PRAP1: variants seen among roughly 807,000 people sequenced by gnomAD.
PRAP1 encodes proline-rich acidic protein 1.
A neutral mutation model predicts 14.6 loss-of-function variants in PRAP1; 12 were observed. That is an observed-to-expected ratio of 0.82 (90% CI 0.53 to 1.33). The LOEUF (loss-of-function observed/expected upper bound fraction) is 1.33. Among genes scored for constraint, PRAP1 ranks in the 40% most tolerant of loss-of-function variants. PRAP1 has a pLI of 0.00. For synonymous variants in PRAP1, 81 were observed against 80.3 expected, an observed-to-expected ratio of 1.01 and a Z score of -0.04; for missense variants, 160 against 193.7, an observed-to-expected ratio of 0.83 and a Z score of 1.03.
Position 133,352,446 on chromosome 10 carries a change from C to G in PRAP1, c.*6C>G, listed in dbSNP as rs1848697554. ...ACATCTACCACCCCCAGTAGGGCTC[C>G]AGGGGCCATCACTGCCCCCGCCCTG... On this transcript the variant is annotated 3_prime_UTR_variant, in exon 5 of 5. Coordinates refer to ENST00000433452, the MANE Select transcript of PRAP1 (RefSeq NM_145202.5). 6.2e-7 allele frequency: 1 copy of G among 1,610,842 alleles called. No individual in the cohort carries two copies. The highest frequency in any genetic ancestry group is 1.3e-5 in the African/African-American group (1 of 74,916).
rs142462504 is a variant in PRAP1 at position 133,352,037 on chromosome 10, G to A, written c.159G>A (p.Pro53=). Residue 53 remains proline (P), a synonymous_variant, in exon 4 of 5, where the codon CCG becomes CCA. Transcript: ENST00000433452. ...KAWGARVVEP[P]EKDDQLVVLF... is the part of the protein sequence containing the mutation. Reference sequence around the variant, plus strand: ...GGGGCGCCCGTGTGGTGGAGCCTCCGGAGAAGGACGACCAGCTGGTGGTGC... The same window carrying A: ...GGGGCGCCCGTGTGGTGGAGCCTCCAGAGAAGGACGACCAGCTGGTGGTGC... The A allele has an allele frequency of 6.9e-5, 112 of 1,612,926 alleles. No homozygotes were observed. The highest frequency in any genetic ancestry group is 4.9e-4 in the Middle Eastern group (3 of 6,062).
intron 2 of PRAP1, chr10:133,350,802 C>T (rs1848663458): frequency 6.4e-6 from 1 of 155,434 alleles, no homozygotes; most frequent in Non-Finnish European, 1.4e-5. Flanking sequence ...GCACAGCCCC[C>T]CCACGGTGCT....
intron 1 of PRAP1, among the ~76,000 whole-genome samples, chr10:133,349,270 C>T (rs1044655387): frequency 2.0e-5 from 3 of 151,458 alleles, no homozygotes; most frequent in Admixed American, 1.3e-4. Context: ...CCACACACTC[C>T]ACACCACACA....
At chr10:133,350,004 C>T (rs1311799538) in intron 1 of PRAP1, 91 bp from the exon 2 acceptor site, 1 of 1,148,846 alleles carries the variant, frequency 8.7e-7, no homozygotes, top group Non-Finnish European at 1.2e-6. Flanking sequence ...GGAACCCAGC[C>T]CAGGCCTCCC....
rs750638121 is a variant in PRAP1, at chr10:133,351,723, C to T, written c.129-284C>T. On this transcript the variant is annotated intron_variant, in intron 3 of 4. Transcript: ENST00000433452. The surrounding 1 kb of genome is among the most constrained non-coding windows in gnomAD (Gnocchi z 4.3). ...CCACGGCTGGTGGCTGTAGCTGGGG[C>T]GGCTCAGTCTTGGATCCTGAGGTTC... Among the ~76,000 whole-genome samples, 2 of 152,192 alleles carry T rather than the reference C, an allele frequency of 1.3e-5. No individual in the cohort carries two copies. Among genetic ancestry groups the T allele is most frequent in the Non-Finnish European group, 2.9e-5 (2 of 68,036 alleles).
Position 133,351,327 on chromosome 10 carries a change from T to G in PRAP1, c.76-54T>G. 2 of 1,484,228 alleles carry G rather than the reference T, an allele frequency of 1.3e-6. No individual in the cohort carries two copies. The highest frequency in any genetic ancestry group is 1.9e-6 in the Non-Finnish European group (2 of 1,078,316). 91.9% of individuals were successfully genotyped at this position (1,484,228 alleles called of 1,614,324 possible). On this transcript the variant is annotated intron_variant, in intron 2 of 4. Coordinates refer to ENST00000433452, the MANE Select transcript of PRAP1 (RefSeq NM_145202.5). The surrounding 1 kb of genome is among the most constrained non-coding windows in gnomAD (Gnocchi z 4.3). ...GGCCTCGGAGCAACCTCTCCCCAGG[T>G]GTCCTCCACCCGCGTGGACTGTGGC... is the stretch of plus-strand genomic sequence containing the variant.
rs758830915 is a variant in PRAP1 at position 133,352,213 on chromosome 10, A to G, written c.263-34A>G. On this transcript the variant is annotated intron_variant, in intron 4 of 4. Coordinates refer to ENST00000433452, the MANE Select transcript of PRAP1 (RefSeq NM_145202.5). ...GACAGACCAAGGGTCTCGGGAAAGA[A>G]ACTGAGACTATACCTTCATGTGCTT... 5 of 1,610,908 alleles carry G rather than the reference A, an allele frequency of 3.1e-6. No homozygotes were observed. The African/African-American group carries it at 6.7e-5, about 22-fold the overall frequency.
chr10:133,352,212 A>C (rs1564795120), intron 4 of PRAP1, 35 bp from the exon 5 acceptor site: 1 of 1,610,908 alleles, frequency 6.2e-7, no homozygotes, highest in Admixed American at 1.7e-5. Flanking sequence ...CTCGGGAAAG[A>C]AACTGAGACT....
chr10:133,350,545 C>T (rs1421775001), intron 2 of PRAP1: 1 of 205,996 alleles, frequency 4.9e-6, no homozygotes, highest in African/African-American at 2.3e-5. Flanking sequence ...ACCCATGTGA[C>T]CCAGGTGGAG....
chr10:133,351,947 G>A lies in PRAP1; in HGVS notation c.129-60G>A, dbSNP rs1192935812. On this transcript the variant is annotated intron_variant, in intron 3 of 4. Transcript: ENST00000433452. The surrounding 1 kb of genome is among the most constrained non-coding windows in gnomAD (Gnocchi z 4.3). ...GCCCTGGGATGGTGGGCACCCTCCT[G>A]CGGGGGGTTCTGTCCACCTCCCCCA... 9.5e-6 allele frequency: 15 copies of A among 1,581,912 alleles called. No homozygotes were observed. Among genetic ancestry groups the A allele is most frequent in the Non-Finnish European group, 1.3e-5 (15 of 1,167,550 alleles).
chr10:133,350,988 CG>C (rs1848668250), intron 2 of PRAP1, among the ~76,000 whole-genome samples: 1 of 151,816 alleles, frequency 6.6e-6, no homozygotes, highest in African/African-American at 2.4e-5. Context: ...CGCGTTCTCT[CG>C]GCACCAGCCA....
chr10:133,352,068 C>T lies in PRAP1; in HGVS notation c.190C>T (p.Pro64Ser). 6.2e-7 allele frequency: 1 copy of T among 1,613,028 alleles called. No individual in the cohort carries two copies. The change falls in exon 4 of 5, where the codon CCT becomes TCT. Residue 64 changes from proline (P) to serine (S), a missense_variant. Physicochemically the swap from Pro to Ser is moderately conservative, Grantham distance 74. Transcript: ENST00000433452. ...GGACGACCAGCTGGTGGTGCTGTTC[C>T]CTGTCCAGAAGCCGAAACTCTTGAC... ...EKDDQLVVLF[P>S]VQKPKLLTTE... is the part of the protein sequence containing the mutation.
intron 1 of PRAP1, among the ~76,000 whole-genome samples, chr10:133,348,801 ACAGGCGTGAGTCACCGTGCC>A (rs1848627235): frequency 1.3e-5 from 2 of 151,646 alleles, no homozygotes; most frequent in Admixed American, 6.6e-5. Context: ...TGCTGGGATT[ACAGGCGTGAGTCACCGTGCC>A]CAGGCAGTTT....
intron 1 of PRAP1, among the ~76,000 whole-genome samples, chr10:133,349,480 AACAC>A (rs1464519046): frequency 1.4e-4 from 21 of 152,058 alleles, no homozygotes; most frequent in Non-Finnish European, 2.6e-4. Flanking sequence ...ACACCCACAA[AACAC>A]ACATGCACAG....
At chr10:133,349,418 C>T (rs541871934) in intron 1 of PRAP1, among the ~76,000 whole-genome samples, 143 of 152,222 alleles carry the variant, frequency 9.4e-4, no homozygotes, top group Non-Finnish European at 1.7e-3. Flanking sequence ...CACACACACC[C>T]GAACACGACA....
intron 2 of PRAP1, among the ~76,000 whole-genome samples, 192 bp downstream of exon 2, chr10:133,350,353 G>A (rs1320055273): frequency 6.6e-6 from 1 of 152,200 alleles, no homozygotes; most frequent in East Asian, 1.9e-4. Context: ...CCCTTCCCTG[G>A]GGTCAGATGG....
chr10:133,352,273 G>A lies in PRAP1; in HGVS notation c.289G>A (p.Asp97Asn), dbSNP rs1379703121. Reference protein sequence around the residue: ...PGTKAWMETEDTLGHVLSPEP... With the variant: ...PGTKAWMETENTLGHVLSPEP... ...CACCAAGGCCTGGATGGAGACCGAGGACACCCTGGGCCATGTCCTGAGTCC... is the reference window on the plus strand; with the variant it reads ...CACCAAGGCCTGGATGGAGACCGAGAACACCCTGGGCCATGTCCTGAGTCC... The change falls in exon 5 of 5, where the codon GAC becomes AAC. Residue 97 changes from aspartate to asparagine, a missense_variant. Coordinates refer to ENST00000433452, the MANE Select transcript of PRAP1 (RefSeq NM_145202.5). 5.6e-6 allele frequency: 9 copies of A among 1,612,970 alleles called. No homozygotes were observed. Among genetic ancestry groups the A allele is most frequent in the Non-Finnish European group, 7.6e-6 (9 of 1,179,954 alleles).
At chr10:133,349,954 T>C (rs1175706280) in intron 1 of PRAP1, 141 bp from the exon 2 acceptor site, 8 of 686,970 alleles carry the variant, frequency 1.2e-5, no homozygotes, top group Admixed American at 2.5e-5. Context: ...TCTTGGCCCA[T>C]GTGAGCACAG....
At chr10:133,349,648 C>A (rs4838678) in intron 1 of PRAP1, among the ~76,000 whole-genome samples, 2,727 of 152,384 alleles carry the variant, frequency 0.018, 29 homozygotes, top group Non-Finnish European at 0.028. Flanking sequence ...AGGTGCCCTG[C>A]CTGCAGCAGC....
Sources: gnomAD v4.1 joint callset for allele counts (sites outside exome capture counted in the v4.1 genomes callset) on GRCh38, gnomAD v4.1.1 for gene constraint, Gnocchi (gnomAD v3.1) non-coding constraint, MANE v1.5 for transcripts, NCBI Gene and HGNC (gene_info 2026-07-23, HGNC 2026-07-21) for gene names.